The following CACUL1 variants were observed in gnomAD, a reference collection of about 807,000 sequenced individuals.
The protein encoded by CACUL1 is CDK2-associated and cullin domain-containing protein 1.
CACUL1 carries 13 observed loss-of-function variants against 45.2 expected under a neutral mutation model. That is an observed-to-expected ratio of 0.29 (90% CI 0.19 to 0.46). The LOEUF (loss-of-function observed/expected upper bound fraction) is 0.46. CACUL1 is among the 20% of genes least tolerant of loss of function. CACUL1 has a pLI of 1.00. For missense variants in CACUL1, 421 were observed against 471.4 expected, an observed-to-expected ratio of 0.89 and a Z score of 0.99; for synonymous variants, 197 against 174.2, an observed-to-expected ratio of 1.13 and a Z score of -1.03.
At chr10:118,724,539 G>T (rs549194797) in intron 3 of CACUL1, among the ~76,000 whole-genome samples, 1 of 152,132 alleles carries the variant, frequency 6.6e-6, no homozygotes, top group Admixed American at 6.5e-5. Context: ...TTTTTACACG[G>T]ACCAAAAAAT....
chr10:118,715,937 G>A (rs915304469), intron 3 of CACUL1, among the ~76,000 whole-genome samples: 19 of 152,262 alleles, frequency 1.2e-4, no homozygotes, highest in African/African-American at 4.6e-4. Flanking sequence ...ATGCAACTAT[G>A]GAAAAATAAC....
At chr10:118,706,726 G>A (rs535665370) in intron 4 of CACUL1, among the ~76,000 whole-genome samples, 79 of 152,304 alleles carry the variant, frequency 5.2e-4, no homozygotes, top group African/African-American at 1.7e-3. Context: ...CAGTAACCAA[G>A]AAATAAGTGT....
rs759396942 is a variant in CACUL1, at chr10:118,695,237, T to TAAGAA, written c.797-12_797-8dup. ...TGGGCTTCTAAAAGTAAAGCTGAAA[T>TAAGAA]AAGAAAACAGGTTAAAAAGAATGTA... On this transcript the variant is annotated splice_region_variant and splice_polypyrimidine_tract_variant and intron_variant, in intron 5 of 8. Coordinates refer to ENST00000369151, the MANE Select transcript of CACUL1 (RefSeq NM_153810.5). 1.3e-6 allele frequency: 2 copies of TAAGAA among 1,524,826 alleles called. No homozygotes were observed. Among genetic ancestry groups the TAAGAA allele is most frequent in the African/African-American group, 1.4e-5 (1 of 73,222 alleles). 94.5% of individuals were successfully genotyped at this position (1,524,826 alleles called of 1,614,324 possible).
Position 118,740,797 on chromosome 10 carries a change from G to A in CACUL1, c.368-10387C>T, listed in dbSNP as rs185023723. On this transcript the variant is annotated intron_variant, in intron 1 of 8. Transcript: ENST00000369151. ...AAAAATTAGCCGGGCGTGGTGGCAG[G>A]CGCCTGTAGTCCTAGCTACTCAGGA... Among the ~76,000 whole-genome samples the A allele has an allele frequency of 3.4e-3, 508 of 151,366 alleles. 3 individuals are homozygous for A. Among genetic ancestry groups the A allele is most frequent in the African/African-American group, 0.012 (489 of 41,240 alleles).
At chr10:118,725,895 C>T (rs1361978916) in intron 3 of CACUL1, among the ~76,000 whole-genome samples, 1 of 152,158 alleles carries the variant, frequency 6.6e-6, no homozygotes, top group Admixed American at 6.5e-5. Context: ...TCAATCTCCC[C>T]AACAGGATAT....
chr10:118,754,483 A>G lies in CACUL1; in HGVS notation c.280T>C (p.Cys94Arg). 6.2e-7 allele frequency: 1 copy of G among 1,612,088 alleles called. No homozygotes were observed. The change falls in exon 1 of 9, where the codon TGC becomes CGC. Residue 94 changes from cysteine to arginine, a missense_variant. By Grantham distance (180) the Cys-to-Arg change is radical. This residue lies in a region of CACUL1 where 213 missense variants were observed against 173.1 expected (regional missense o/e 1.23). Transcript: ENST00000369151. ...ANGVIMMLKSCDAAAAVAKAA... is the reference protein window; with the variant it reads ...ANGVIMMLKSRDAAAAVAKAA... Reference sequence around the variant, plus strand: ...TTGGCCACGGCGGCGGCCGCGTCGCAGCTCTTCAACATCATGATCACCCCA... The same window carrying G: ...TTGGCCACGGCGGCGGCCGCGTCGCGGCTCTTCAACATCATGATCACCCCA...
At position 118,678,845 on chromosome 10, in the gene CACUL1, G is replaced by C. The variant is rs902469834; in HGVS notation, c.*7283C>G. The C allele has an allele frequency of 6.6e-6, 1 of 152,102 alleles. No individual in the cohort carries two copies. Among genetic ancestry groups the C allele is most frequent in the African/African-American group, 2.4e-5 (1 of 41,418 alleles). 9.4% of individuals were successfully genotyped at this position (152,102 alleles called of 1,614,324 possible). A position where few individuals can be genotyped will look rare whatever the true frequency, so the allele number is the denominator to read the frequency against. ...TGTGTTTTATGTATGTGTGTGTTAT[G>C]TATCTGTCAGATCAAATTGATTAGC... On this transcript the variant is annotated 3_prime_UTR_variant, in exon 9 of 9. Coordinates refer to ENST00000369151, the MANE Select transcript of CACUL1 (RefSeq NM_153810.5).
At chr10:118,687,057 G>A (rs1223020714) in intron 7 of CACUL1, among the ~76,000 whole-genome samples, 18 of 152,130 alleles carry the variant, frequency 1.2e-4, no homozygotes, top group Admixed American at 1.2e-3. Flanking sequence ...ATTTCTTCCT[G>A]AAACACGATT....
chr10:118,738,480 C>A (rs1307424772), intron 1 of CACUL1, among the ~76,000 whole-genome samples: 4 of 147,682 alleles, frequency 2.7e-5, no homozygotes, highest in African/African-American at 1.0e-4. Context: ...CCTACCCCCA[C>A]CCCCACCTAT....
chr10:118,753,613 G>A (rs548035652), intron 1 of CACUL1, among the ~76,000 whole-genome samples: 78 of 152,308 alleles, frequency 5.1e-4, no homozygotes, highest in African/African-American at 1.8e-3. Flanking sequence ...GGCAGTTTCG[G>A]ATTACAAAAC....
intron 1 of CACUL1, among the ~76,000 whole-genome samples, chr10:118,741,029 A>G (rs1389626750): frequency 1.3e-5 from 2 of 152,190 alleles, no homozygotes; most frequent in Non-Finnish European, 2.9e-5. Flanking sequence ...CAGGTAATAT[A>G]AAAATGATAA....
intron 5 of CACUL1, among the ~76,000 whole-genome samples, chr10:118,700,689 T>C (rs1845370278): frequency 7.2e-6 from 1 of 138,234 alleles, no homozygotes; most frequent in Non-Finnish European, 1.5e-5. Flanking sequence ...TGCACTCCAG[T>C]CTAGGCGACA....
intron 8 of CACUL1, 68 bp downstream of exon 8, chr10:118,686,530 C>A (rs1203959774): frequency 6.3e-5 from 72 of 1,134,046 alleles, no homozygotes; most frequent in Non-Finnish European, 8.8e-5. Flanking sequence ...GCACTGTTAT[C>A]ACAGTGCATT....
intron 1 of CACUL1, among the ~76,000 whole-genome samples, chr10:118,745,649 A>T (rs1045775631): frequency 6.6e-6 from 1 of 152,260 alleles, no homozygotes; most frequent in Non-Finnish European, 1.5e-5. Context: ...AATATGATTT[A>T]AACCCTACCA....
At position 118,741,217 on chromosome 10, in the gene CACUL1, A is replaced by G. The variant is rs150618651; in HGVS notation, c.368-10807T>C. ...CATAATTTGAGTTTTAAAATTATAA[A>G]CCTGTATTACTTTAATAAGAGCAAA... On this transcript the variant is annotated intron_variant, in intron 1 of 8. Coordinates refer to ENST00000369151, the MANE Select transcript of CACUL1 (RefSeq NM_153810.5). Among the ~76,000 whole-genome samples the G allele has an allele frequency of 3.9e-3, 597 of 152,286 alleles. 5 individuals carry two copies. Among genetic ancestry groups the G allele is most frequent in the African/African-American group, 0.012 (495 of 41,542 alleles).
At chr10:118,704,195 C>CCAAG (rs1011493965) in intron 4 of CACUL1, among the ~76,000 whole-genome samples, 1 of 150,562 alleles carries the variant, frequency 6.6e-6, no homozygotes, top group African/African-American at 2.4e-5. Flanking sequence ...GGATAACATA[C>CCAAG]CAAGATCCCA....
At chr10:118,740,485 C>T (rs1845781813) in intron 1 of CACUL1, among the ~76,000 whole-genome samples, 1 of 152,118 alleles carries the variant, frequency 6.6e-6, no homozygotes, top group South Asian at 2.1e-4. Flanking sequence ...TGGCACATGA[C>T]TGTAATCCCA....
chr10:118,710,770 T>C (rs1845476802), intron 3 of CACUL1, among the ~76,000 whole-genome samples: 1 of 152,218 alleles, frequency 6.6e-6, no homozygotes, highest in African/African-American at 2.4e-5. Context: ...AAAGAATGCA[T>C]TGTTTTGCAA....
chr10:118,707,910 G>T (rs1845447879), intron 3 of CACUL1, among the ~76,000 whole-genome samples: 1 of 152,154 alleles, frequency 6.6e-6, no homozygotes, highest in South Asian at 2.1e-4. Flanking sequence ...CATTTTGGGA[G>T]GCCAAGGTGT....
Sources: allele counts gnomAD v4.1 joint callset (sites outside exome capture counted in the v4.1 genomes callset), GRCh38; gene constraint gnomAD v4.1.1; regional missense constraint gnomAD v4.1.1; transcripts MANE v1.5; gene names NCBI Gene and HGNC (gene_info 2026-07-23, HGNC 2026-07-21).